PCDHGA6: variants seen among roughly 807,000 people sequenced by gnomAD.
PCDHGA6 encodes protocadherin gamma subfamily A, 6, also known as protocadherin gamma-A6.
A neutral mutation model predicts 60.6 loss-of-function variants in PCDHGA6; 41 were observed. The ratio of observed to expected loss-of-function variants is 0.68; its 90% CI spans 0.53 to 0.88. PCDHGA6 has a LOEUF of 0.88. PCDHGA6 is among the 40% of genes least tolerant of loss of function. The pLI is 0.00. For missense variants in PCDHGA6, 1,312 were observed against 1,203.0 expected, an observed-to-expected ratio of 1.09 and a Z score of -1.34; for synonymous variants, 594 against 524.4, an observed-to-expected ratio of 1.13 and a Z score of -1.81.
chr5:141,389,622 G>C, intron 1 of PCDHGA6: 1 of 1,612,970 alleles, frequency 6.2e-7, no homozygotes, highest in South Asian at 1.1e-5. Context: ...GCCGCACGCT[G>C]CAGAGCCTGG....
chr5:141,466,646 T>C (rs954003023), intron 1 of PCDHGA6, among the ~76,000 whole-genome samples: 11 of 152,210 alleles, frequency 7.2e-5, no homozygotes, highest in African/African-American at 2.4e-4. Context: ...CATAAACTTT[T>C]CACAAAACAT....
At chr5:141,425,253 A>G (rs1019069029) in intron 1 of PCDHGA6, among the ~76,000 whole-genome samples, 12 of 152,196 alleles carry the variant, frequency 7.9e-5, no homozygotes, top group Non-Finnish European at 1.5e-4. Context: ...GATATGAGGT[A>G]TTTGGCTGGG....
intron 1 of PCDHGA6, chr5:141,382,975 G>C (rs1459980689): frequency 6.2e-7 from 1 of 1,610,700 alleles, no homozygotes; most frequent in Non-Finnish European, 8.5e-7. Context: ...CCCCTGGGAA[G>C]CCTGGGCAGG....
At chr5:141,388,209 G>A in intron 1 of PCDHGA6, 1 of 1,586,286 alleles carries the variant, frequency 6.3e-7, no homozygotes, top group Non-Finnish European at 8.6e-7. Context: ...ATTTGAGGCT[G>A]TTGCTGAAAA....
chr5:141,436,185 A>G (rs1324749623), intron 1 of PCDHGA6, among the ~76,000 whole-genome samples: 1 of 152,142 alleles, frequency 6.6e-6, no homozygotes, highest in Non-Finnish European at 1.5e-5. Flanking sequence ...ATATAGTCAA[A>G]TAGAAAGAAA....
chr5:141,417,995 G>A (rs779307855), intron 1 of PCDHGA6: 74 of 1,613,786 alleles, frequency 4.6e-5, no homozygotes, highest in Admixed American at 1.7e-4. Flanking sequence ...CAAGGGCTCG[G>A]TGGTGGGGAA....
chr5:141,390,855 A>G (rs941626765), intron 1 of PCDHGA6: 5 of 156,986 alleles, frequency 3.2e-5, no homozygotes, highest in African/African-American at 1.0e-4. Context: ...TATGCAGTGT[A>G]CGCTGTGTGT....
chr5:141,381,817 TTTC>T (rs1262770842), intron 1 of PCDHGA6, among the ~76,000 whole-genome samples: 8 of 136,196 alleles, frequency 5.9e-5, no homozygotes, highest in African/African-American at 2.1e-4. Context: ...TCTTTCTTTC[TTTC>T]TTCTTCTTTT....
chr5:141,460,388 G>T (rs1425099375), intron 1 of PCDHGA6, among the ~76,000 whole-genome samples: 1 of 151,774 alleles, frequency 6.6e-6, no homozygotes, highest in East Asian at 1.9e-4. Context: ...TTATAATTTG[G>T]TCTATGAATC....
intron 1 of PCDHGA6, chr5:141,413,669 A>C: frequency 6.2e-7 from 1 of 1,613,844 alleles, no homozygotes; most frequent in South Asian, 1.1e-5. Flanking sequence ...ATTGATCCGG[A>C]TGTGGGCGTG....
chr5:141,375,150 T>G lies in PCDHGA6; in HGVS notation c.1067T>G (p.Ile356Ser). 6.2e-7 allele frequency: 1 copy of G among 1,613,946 alleles called. No homozygotes were observed. Among genetic ancestry groups the G allele is most frequent in the Non-Finnish European group, 8.5e-7 (1 of 1,179,890 alleles). Residue 356 changes from isoleucine to serine, a missense_variant, in exon 1 of 4, where the codon ATT becomes AGT. Physicochemically the swap from Ile to Ser is moderately radical, Grantham distance 142. Coordinates refer to ENST00000517434, the MANE Select transcript of PCDHGA6 (RefSeq NM_018919.3). ...EVVVTSGSRT[I>S]AESAPPGTVI... is the part of the protein sequence containing the mutation. ...GTTGTTACATCTGGAAGCAGAACAA[T>G]TGCTGAAAGTGCACCTCCAGGAACA...
intron 1 of PCDHGA6, among the ~76,000 whole-genome samples, chr5:141,400,831 C>CT (rs1457237248): frequency 1.3e-5 from 2 of 152,146 alleles, no homozygotes; most frequent in Admixed American, 6.5e-5. Flanking sequence ...TTGTCTCATT[C>CT]TTTAACATGT....
At chr5:141,427,276 T>G (rs1281222927) in intron 1 of PCDHGA6, 1 of 456,754 alleles carries the variant, frequency 2.2e-6, no homozygotes, top group Non-Finnish European at 4.4e-6. Context: ...GAATGTAAAA[T>G]TATACTAGAA....
Position 141,432,771 on chromosome 5 carries a change from T to G in PCDHGA6, c.2424+56264T>G. The G allele has an allele frequency of 6.2e-7, 1 of 1,614,006 alleles. No homozygotes were observed. The highest frequency in any genetic ancestry group is 8.5e-7 in the Non-Finnish European group (1 of 1,179,966). On this transcript the variant is annotated intron_variant, in intron 1 of 3. Coordinates refer to ENST00000517434, the MANE Select transcript of PCDHGA6 (RefSeq NM_018919.3). This position sits in a 1 kb window ranked among gnomAD's most constrained non-coding sequence, Gnocchi z 6.0. ...GCCGTGGCCGACAGCATCCCCCAAG[T>G]CCTGGCGGACCTCGGCAGCCTCGAG...
intron 1 of PCDHGA6, among the ~76,000 whole-genome samples, chr5:141,492,474 G>T (rs2099741007): frequency 6.6e-6 from 1 of 152,218 alleles, no homozygotes; most frequent in African/African-American, 2.4e-5. Context: ...CCCAGATCGC[G>T]GCCGCCCAGG....
intron 1 of PCDHGA6, chr5:141,408,147 A>G (rs1357143790): frequency 6.7e-7 from 1 of 1,503,488 alleles, no homozygotes; most frequent in Non-Finnish European, 8.9e-7. Context: ...TTAGCGCGGT[A>G]GAGTGCACTT....
intron 1 of PCDHGA6, among the ~76,000 whole-genome samples, chr5:141,465,038 G>T (rs1297185291): frequency 6.6e-6 from 1 of 151,642 alleles, no homozygotes; most frequent in Non-Finnish European, 1.5e-5. Flanking sequence ...CACCACAAAT[G>T]ACCCTATATA....
In PCDHGA6 at chr5:141,384,330, G is replaced by A. The variant is rs758151138; in HGVS notation, c.2424+7823G>A. 44 of 1,613,830 alleles carry A rather than the reference G, an allele frequency of 2.7e-5. No individual in the cohort carries two copies. The African/African-American group carries it at 2.8e-4, about 10-fold the overall frequency. On this transcript the variant is annotated intron_variant, in intron 1 of 3. Coordinates refer to ENST00000517434, the MANE Select transcript of PCDHGA6 (RefSeq NM_018919.3). ...CCTCCATTTTCTTAGTGACTGCACA[G>A]GACCACGACAGTGAGGATAATGCCC...
intron 1 of PCDHGA6, among the ~76,000 whole-genome samples, chr5:141,483,255 G>T (rs1383670642): frequency 1.3e-5 from 2 of 152,030 alleles, no homozygotes; most frequent in African/African-American, 2.4e-5. Context: ...ATATCATGAG[G>T]TTTTTTTGTT....
Sources: gnomAD v4.1 joint callset for allele counts (sites outside exome capture counted in the v4.1 genomes callset) on GRCh38, gnomAD v4.1.1 for gene constraint, Gnocchi (gnomAD v3.1) non-coding constraint, MANE v1.5 for transcripts, NCBI Gene and HGNC (gene_info 2026-07-23, HGNC 2026-07-21) for gene names.